ITIH5: variants seen among roughly 807,000 people sequenced by gnomAD.
The protein encoded by ITIH5 is inter-alpha-trypsin inhibitor heavy chain H5.
In ITIH5, 65 loss-of-function variants were observed where a neutral mutation model predicts 77.5. The observed-to-expected ratio is 0.84, with a 90% CI of 0.69 to 1.03. The LOEUF is 1.03. Ranked by LOEUF, ITIH5 falls within the 50% of genes least tolerant of loss-of-function variation. The pLI, the probability that ITIH5 is intolerant of heterozygous loss-of-function variation, is 0.00. For synonymous variants in ITIH5, 525 were observed against 494.3 expected (o/e 1.06, Z -0.82); for missense variants, 1,208 against 1,213.1 (o/e 1.00, Z 0.06).
At chr10:7,639,587 G>A (rs550192724) in intron 4 of ITIH5, among the ~76,000 whole-genome samples, 75 of 148,084 alleles carry the variant, frequency 5.1e-4, no homozygotes, top group Non-Finnish European at 9.0e-4. Flanking sequence ...TTATTCATGA[G>A]GAAAACCGGG....
chr10:7,636,886 G>A (rs889632303), intron 5 of ITIH5, among the ~76,000 whole-genome samples: 1 of 151,852 alleles, frequency 6.6e-6, no homozygotes, highest in Admixed American at 6.6e-5. Context: ...ACCCCGTCTC[G>A]ACTAAAAATA....
chr10:7,568,293 A>G (rs2130942804), intron 12 of ITIH5, among the ~76,000 whole-genome samples: 1 of 152,298 alleles, frequency 6.6e-6, no homozygotes, highest in South Asian at 2.1e-4. Flanking sequence ...TTAGACATTC[A>G]AGGAAAAAAG....
intron 1 of ITIH5, among the ~76,000 whole-genome samples, chr10:7,656,185 T>C (rs1287497879): frequency 6.6e-6 from 1 of 152,184 alleles, no homozygotes; most frequent in African/African-American, 2.4e-5. Flanking sequence ...CTTATATGCT[T>C]CCACATGCCG....
At chr10:7,565,202 AC>A (rs1832123079) in intron 13 of ITIH5, among the ~76,000 whole-genome samples, 1 of 149,992 alleles carries the variant, frequency 6.7e-6, no homozygotes, top group Non-Finnish European at 1.5e-5. Flanking sequence ...ATATACACAC[AC>A]ATACACACAC....
At chr10:7,649,834 G>A (rs563111067) in intron 2 of ITIH5, among the ~76,000 whole-genome samples, 1 of 152,320 alleles carries the variant, frequency 6.6e-6, no homozygotes, top group Admixed American at 6.5e-5. Context: ...GCCTTTGAAA[G>A]GCAGAGGCTC....
intron 5 of ITIH5, chr10:7,621,829 C>T (rs1328893489): frequency 1.3e-5 from 2 of 152,122 alleles, no homozygotes; most frequent in Non-Finnish European, 2.9e-5. Context: ...CAGATATTTC[C>T]TAAGCACAAA....
In ITIH5 at chr10:7,662,354, CA is replaced by C. The variant is rs763132848; in HGVS notation, c.90+4448del. Among the ~76,000 whole-genome samples, 77 of 135,230 alleles carry C rather than the reference CA, an allele frequency of 5.7e-4. 1 individual carries two copies. The highest frequency in any genetic ancestry group is 5.4e-4 in the African/African-American group (20 of 37,088). The allele number at this position is 135,230 out of a possible 152,430, so 88.7% of individuals were successfully genotyped here. On this transcript the variant is annotated intron_variant, in intron 1 of 13. Transcript: ENST00000397146. Reference sequence around the variant, plus strand: ...CCTGGGCAACAGAGTGAGACTGTCTCAAAAAAAAAAAGAGAGAGAGACAGAC... The same window carrying C: ...CCTGGGCAACAGAGTGAGACTGTCTCAAAAAAAAAAGAGAGAGAGACAGAC...
intron 2 of ITIH5, among the ~76,000 whole-genome samples, chr10:7,652,291 G>T (rs7919666): frequency 6.6e-6 from 1 of 151,996 alleles, no homozygotes; most frequent in Non-Finnish European, 1.5e-5. Flanking sequence ...ATTCAAGCAC[G>T]GAACATTCAG....
At chr10:7,643,234 C>T (rs1015550487) in intron 2 of ITIH5, among the ~76,000 whole-genome samples, 23 of 152,206 alleles carry the variant, frequency 1.5e-4, no homozygotes, top group Non-Finnish European at 2.1e-4. Context: ...TCTTGGACTT[C>T]CAGCCTCTAG....
chr10:7,633,499 A>G (rs1247249419), intron 5 of ITIH5, among the ~76,000 whole-genome samples: 2 of 152,188 alleles, frequency 1.3e-5, no homozygotes, highest in African/African-American at 4.8e-5. Flanking sequence ...TGTACAGTCT[A>G]TTTAATGAGG....
chr10:7,637,276 C>A lies in ITIH5; in HGVS notation c.604G>T (p.Val202Leu), dbSNP rs1422521964. The part of the protein sequence containing the change: ...LESAGIASLE[V>L]LPLHNSRQRG... ...TGCCTGCTGTTGTGAAGCGGCAGCA[C>A]CTCCAGGGATGCGATGCCCGCGCTC... The change falls in exon 5 of 14, where the codon GTG becomes TTG. Residue 202 changes from valine to leucine, a missense_variant. By Grantham distance (32) the Val-to-Leu change is conservative (BLOSUM62 1). Coordinates refer to ENST00000397146, the MANE Select transcript of ITIH5 (RefSeq NM_030569.7). 2 of 1,611,880 alleles carry A rather than the reference C, an allele frequency of 1.2e-6. No individual in the cohort carries two copies.
chr10:7,583,875 T>G (rs1394225423), intron 8 of ITIH5, among the ~76,000 whole-genome samples: 1 of 152,126 alleles, frequency 6.6e-6, no homozygotes, highest in Non-Finnish European at 1.5e-5. Flanking sequence ...TCCTTCCCAC[T>G]GAAAACAGAC....
At chr10:7,626,424 A>C (rs1361567034) in intron 5 of ITIH5, among the ~76,000 whole-genome samples, 1 of 152,262 alleles carries the variant, frequency 6.6e-6, no homozygotes, top group Non-Finnish European at 1.5e-5. Context: ...CTATGGGGCC[A>C]AATGATTCAT....
In ITIH5 at chr10:7,561,185, C is replaced by T. The variant is rs1324179721; in HGVS notation, c.*1898G>A. The stretch of plus-strand genomic sequence containing the variant: ...GCAAGCAAGTTAGCTATGGATAGCT[C>T]ATTGGAATGTTTTTCTCAGCTCTTA... On this transcript the variant is annotated 3_prime_UTR_variant, in exon 14 of 14. Transcript: ENST00000397146. 2.0e-5 allele frequency: 3 copies of T among 152,194 alleles called. No individual in the cohort carries two copies. In the East Asian group the frequency reaches 5.8e-4, roughly 29 times the overall value. The allele number at this position is 152,194 out of a possible 1,614,324, so 9.4% of individuals were successfully genotyped here. A position where few individuals can be genotyped will look rare whatever the true frequency, so the allele number is the denominator to read the frequency against.
At position 7,602,990 on chromosome 10, in the gene ITIH5, G is replaced by A. The variant is rs138059136; in HGVS notation, c.939+12992C>T. ...TCCTATTTGTCTTACCAACAGCTGT[G>A]GCCCACAAATTACATTCCTACAGCA... is the stretch of plus-strand genomic sequence containing the variant. On this transcript the variant is annotated intron_variant, in intron 7 of 13. Coordinates refer to ENST00000397146, the MANE Select transcript of ITIH5 (RefSeq NM_030569.7). Among the ~76,000 whole-genome samples the A allele has an allele frequency of 2.5e-3, 379 of 152,104 alleles. 4 individuals are homozygous for A. The highest frequency in any genetic ancestry group is 8.6e-3 in the African/African-American group (356 of 41,504).
chr10:7,628,855 C>CTGTTGTAGCGTGTGTCCG (rs1295534970), intron 5 of ITIH5, among the ~76,000 whole-genome samples: 1 of 73,340 alleles, frequency 1.4e-5, no homozygotes, highest in Non-Finnish European at 3.4e-5. Flanking sequence ...GCGTGTGTCC[C>CTGTTGTAGCGTGTGTCCG]TGTTGTAGCG....
chr10:7,642,905 T>C (rs1346295654), intron 2 of ITIH5, among the ~76,000 whole-genome samples: 12 of 152,164 alleles, frequency 7.9e-5, no homozygotes, highest in African/African-American at 2.9e-4. Context: ...GGTCAAGCAA[T>C]TAACAAGCAT....
chr10:7,585,139 G>C (rs186674906), intron 8 of ITIH5, among the ~76,000 whole-genome samples: 15 of 152,200 alleles, frequency 9.9e-5, no homozygotes, highest in African/African-American at 2.4e-4. Context: ...TGAAAGGAAG[G>C]GGGAGGGAGT....
chr10:7,637,611 T>C (rs566917817), intron 4 of ITIH5, 133 bp from the exon 5 acceptor site: 14 of 859,118 alleles, frequency 1.6e-5, no homozygotes, highest in Non-Finnish European at 1.8e-5. Flanking sequence ...TGAGTGTGGG[T>C]CCTGAGAAAG....
Sources: gnomAD v4.1 joint callset for allele counts (sites outside exome capture counted in the v4.1 genomes callset) on GRCh38, gnomAD v4.1.1 for gene constraint, MANE v1.5 for transcripts, NCBI Gene and HGNC (gene_info 2026-07-23, HGNC 2026-07-21) for gene names.